Variants in PSMD13 observed in about 807,000 individuals in gnomAD.
PSMD13 encodes proteasome 26S subunit, non-ATPase 13, also known as 26S proteasome non-ATPase regulatory subunit 13.
A neutral mutation model predicts 57.4 loss-of-function variants in PSMD13; 8 were observed. The observed-to-expected ratio is 0.14, with a 90% CI of 0.08 to 0.25. The LOEUF is 0.25. PSMD13 is among the 10% of genes least tolerant of loss of function. PSMD13 has a pLI of 1.00. For synonymous variants in PSMD13, 193 were observed against 168.2 expected (o/e 1.15, Z -1.14); for missense variants, 400 against 461.5 (o/e 0.87, Z 1.22).
At position 250,854 on chromosome 11, in the gene PSMD13, T is replaced by C; in HGVS notation, c.826T>C (p.Cys276Arg). ...AQLLRKIQLL[C>R]LMEMTFTRPA... ...GCTTCTGAGGAAAATTCAGTTGTTG[T>C]GCCTCATGGAGGTAAGCGAACACCC... Residue 276 changes from cysteine (C) to arginine (R), a missense_variant, in exon 10 of 13, where the codon TGC becomes CGC. Transcript: ENST00000532097. 1.2e-6 allele frequency: 2 copies of C among 1,613,918 alleles called. No homozygotes were observed. The highest frequency in any genetic ancestry group is 1.7e-6 in the Non-Finnish European group (2 of 1,179,948).
chr11:240,441 G>T (rs1007581456), intron 2 of PSMD13, among the ~76,000 whole-genome samples: 1 of 152,078 alleles, frequency 6.6e-6, no homozygotes, highest in Non-Finnish European at 1.5e-5. Context: ...TGTTCCCTAA[G>T]GTTCTAAATC....
In PSMD13 at chr11:251,191, A is replaced by T; in HGVS notation, c.837+326A>T. ...TGCATGTCGCTTCTTGTGTACACGC[A>T]CATCTGTCTTTCCCCACTAGAACTT... On this transcript the variant is annotated intron_variant, in intron 10 of 12. Coordinates refer to ENST00000532097, the MANE Select transcript of PSMD13 (RefSeq NM_002817.4). This position sits in a 1 kb window ranked among gnomAD's most constrained non-coding sequence, Gnocchi z 4.6. 4.4e-6 allele frequency: 2 copies of T among 450,108 alleles called. No homozygotes were observed. Among genetic ancestry groups the T allele is most frequent in the Non-Finnish European group, 8.1e-6 (2 of 247,760 alleles). 27.9% of individuals were successfully genotyped at this position (450,108 alleles called of 1,614,324 possible). A position where few individuals can be genotyped will look rare whatever the true frequency, so the allele number is the denominator to read the frequency against.
Position 247,354 on chromosome 11 carries a change from C to T in PSMD13, c.474C>T (p.Leu158=), listed in dbSNP as rs774161219. 2 of 1,599,532 alleles carry T rather than the reference C, an allele frequency of 1.3e-6. No individual in the cohort carries two copies. The highest frequency in any genetic ancestry group is 1.7e-5 in the Admixed American group (1 of 59,528). Residue 158 remains leucine, a synonymous_variant, in exon 7 of 13, where the codon CTC becomes CTT. Coordinates refer to ENST00000532097, the MANE Select transcript of PSMD13 (RefSeq NM_002817.4). The stretch of plus-strand genomic sequence containing the variant: ...CGGTTCACAGTCGTTTCTATGATCT[C>T]TCCAGTAAATACTATCAAACAATCG... The part of the protein sequence containing the change: ...VTSVHSRFYD[L]SSKYYQTIGN...
At chr11:249,759 T>C (rs779788480) in intron 9 of PSMD13, among the ~76,000 whole-genome samples, 4 of 152,184 alleles carry the variant, frequency 2.6e-5, no homozygotes, top group African/African-American at 4.8e-5. Context: ...ATAAGTATGT[T>C]CTTTTTTAAT....
rs369958332 is a variant in PSMD13 at position 244,355 on chromosome 11, C to T, written c.266-71C>T. Reference sequence around the variant, plus strand: ...TTATGGTCAAAACCTAAAGATTACCCTACCTAAGGGTGTCTTGGTTAGCAG... The same window carrying T: ...TTATGGTCAAAACCTAAAGATTACCTTACCTAAGGGTGTCTTGGTTAGCAG... On this transcript the variant is annotated intron_variant, in intron 4 of 12. Transcript: ENST00000532097. 79 of 1,579,206 alleles carry T rather than the reference C, an allele frequency of 5.0e-5. No individual in the cohort carries two copies. The African/African-American group carries it at 9.8e-4, about 20-fold the overall frequency.
Position 249,070 on chromosome 11 carries a change from C to T in PSMD13, c.774+13C>T, listed in dbSNP as rs370984537. The T allele has an allele frequency of 6.2e-6, 10 of 1,609,688 alleles. No individual in the cohort carries two copies. Among genetic ancestry groups the T allele is most frequent in the African/African-American group, 4.0e-5 (3 of 74,872 alleles). ...CTGGGGCCAGCAGGTAGGACTCCCA[C>T]GATGCCCAGCCCTTATTCCCCCATG... On this transcript the variant is annotated intron_variant, in intron 9 of 12. Coordinates refer to ENST00000532097, the MANE Select transcript of PSMD13 (RefSeq NM_002817.4).
chr11:239,148 A>G, intron 2 of PSMD13, 72 bp downstream of exon 2: 1 of 1,300,028 alleles, frequency 7.7e-7, no homozygotes, highest in South Asian at 1.2e-5. Context: ...GATAGGCTTT[A>G]TGCTAATAAT....
chr11:248,796 G>C lies in PSMD13; in HGVS notation c.589G>C (p.Ala197Pro), dbSNP rs1228003737. 1 of 1,614,226 alleles carries C rather than the reference G, an allele frequency of 6.2e-7. No individual in the cohort carries two copies. Among genetic ancestry groups the C allele is most frequent in the Non-Finnish European group, 8.5e-7 (1 of 1,180,030 alleles). The change falls in exon 8 of 13, where the codon GCC (alanine) becomes CCC (proline). Residue 197 changes from alanine (A) to proline (P), a missense_variant. Transcript: ENST00000532097. ...DLPVSEQQER[A>P]FTLGLAGLLG... Reference sequence around the variant, plus strand: ...CATAGTGTCTGAGCAGCAGGAGAGAGCCTTCACGCTGGGGCTAGCAGGACT... The same window carrying C: ...CATAGTGTCTGAGCAGCAGGAGAGACCCTTCACGCTGGGGCTAGCAGGACT...
Position 252,673 on chromosome 11 carries a change from C to T in PSMD13, c.*73C>T, listed in dbSNP as rs1196108707. ...CGTTTGCAGCCAATGAAGCTGGCTG[C>T]TCAGACGGTCGACATTGAATTTGGG... On this transcript the variant is annotated 3_prime_UTR_variant, in exon 13 of 13. Transcript: ENST00000532097. This position sits in a 1 kb window ranked among gnomAD's most constrained non-coding sequence, Gnocchi z 4.1. 2 of 1,402,314 alleles carry T rather than the reference C, an allele frequency of 1.4e-6. No homozygotes were observed. The highest frequency in any genetic ancestry group is 1.7e-5 in the Admixed American group (1 of 58,080). The allele number at this position is 1,402,314 out of a possible 1,614,324, so 86.9% of individuals were successfully genotyped here. A position where few individuals can be genotyped will look rare whatever the true frequency, so the allele number is the denominator to read the frequency against.
rs765177142 is a variant in PSMD13, at chr11:237,042, C to G, written c.-8C>G. The G allele has an allele frequency of 1.2e-6, 2 of 1,611,234 alleles. No individual in the cohort carries two copies. Among genetic ancestry groups the G allele is most frequent in the Non-Finnish European group, 1.7e-6 (2 of 1,177,556 alleles). ...TTGTTCTTCTGTGCCGGGGGTCTTC[C>G]TGCTGTCATGAAGGACGTACCGGGC... On this transcript the variant is annotated 5_prime_UTR_variant, in exon 1 of 13. Transcript: ENST00000532097.
chr11:238,904 C>A, intron 1 of PSMD13, 94 bp from the exon 2 acceptor site: 1 of 1,226,708 alleles, frequency 8.2e-7, no homozygotes, highest in Non-Finnish European at 1.2e-6. Context: ...TAGAGATACC[C>A]AACCTGTATT....
chr11:247,366 C>T lies in PSMD13; in HGVS notation c.486C>T (p.Tyr162=). ...HSRFYDLSSK[Y]YQTIGNHASY... ...GTTTCTATGATCTCTCCAGTAAATA[C>T]TATCAAACAATCGGAAACCACGCGT... Residue 162 remains tyrosine, a synonymous_variant, in exon 7 of 13, where the codon TAC becomes TAT. Transcript: ENST00000532097. 7.0e-7 allele frequency: 1 copy of T among 1,437,880 alleles called. No homozygotes were observed. The highest frequency in any genetic ancestry group is 9.4e-7 in the Non-Finnish European group (1 of 1,061,170). 89.1% of individuals were successfully genotyped at this position (1,437,880 alleles called of 1,614,324 possible). A position where few individuals can be genotyped will look rare whatever the true frequency, so the allele number is the denominator to read the frequency against.
Position 251,047 on chromosome 11 carries a change from T to C in PSMD13, c.837+182T>C. On this transcript the variant is annotated intron_variant, in intron 10 of 12. Transcript: ENST00000532097. The surrounding 1 kb of genome is among the most constrained non-coding windows in gnomAD (Gnocchi z 4.6). ...CCACTTGCTCTTCTAAGTTTATATT[T>C]GGCTCTTAGCTCAGACGACACCCTC... 1.7e-6 allele frequency: 1 copy of C among 603,198 alleles called. No homozygotes were observed. Among genetic ancestry groups the C allele is most frequent in the South Asian group, 1.9e-5 (1 of 51,462 alleles). The allele number at this position is 603,198 out of a possible 1,614,324, so 37.4% of individuals were successfully genotyped here. A position where few individuals can be genotyped will look rare whatever the true frequency, so the allele number is the denominator to read the frequency against.
intron 2 of PSMD13, among the ~76,000 whole-genome samples, chr11:240,270 C>T (rs1415583326): frequency 2.6e-5 from 4 of 151,944 alleles, no homozygotes; most frequent in African/African-American, 9.7e-5. Flanking sequence ...CCACCACAGC[C>T]AGCTGATTTT....
intron 1 of PSMD13, among the ~76,000 whole-genome samples, chr11:237,443 C>T (rs192475499): frequency 2.0e-5 from 3 of 152,336 alleles, no homozygotes; most frequent in Admixed American, 6.5e-5. Flanking sequence ...ACTCCTACCT[C>T]GGGTCTTACT....
rs1444051444 is a variant in PSMD13, at chr11:247,078, C to T, written c.397-199C>T. ...TTGGTAGTTGATGCTTTTCATCTCA[C>T]AATATATTACTTTAAAAATCTTAGC... On this transcript the variant is annotated intron_variant, in intron 6 of 12. Transcript: ENST00000532097. Among the ~76,000 whole-genome samples, 3 of 152,104 alleles carry T rather than the reference C, an allele frequency of 2.0e-5. No homozygotes were observed. The East Asian group carries it at 5.8e-4, about 29-fold the overall frequency.
Position 251,519 on chromosome 11 carries a change from TA to T in PSMD13, c.838-23del, listed in dbSNP as rs1564824255. 7 of 1,560,824 alleles carry T rather than the reference TA, an allele frequency of 4.5e-6. 1 individual carries two copies. The highest frequency in any genetic ancestry group is 3.4e-5 in the South Asian group (3 of 88,246). ...TCTATTTTTATTTGGAAAAATAGTTTAAAATAGTTAATAAAATTTTTTCCAG... is the reference window on the plus strand; with the variant it reads ...TCTATTTTTATTTGGAAAAATAGTTTAAATAGTTAATAAAATTTTTTCCAG... On this transcript the variant is annotated intron_variant, in intron 10 of 12. Transcript: ENST00000532097. The surrounding 1 kb of genome is among the most constrained non-coding windows in gnomAD (Gnocchi z 4.6).
intron 9 of PSMD13, among the ~76,000 whole-genome samples, chr11:249,572 G>A (rs555730931): frequency 9.6e-6 from 1 of 103,660 alleles, no homozygotes; most frequent in Non-Finnish European, 2.4e-5. Flanking sequence ...GGTGCGGGGA[G>A]GGGGAGAGCG....
chr11:244,520 G>T, intron 5 of PSMD13, 51 bp downstream of exon 5: 2 of 1,567,024 alleles, frequency 1.3e-6, no homozygotes, highest in South Asian at 2.2e-5. Flanking sequence ...GAGTATGTAT[G>T]ACTTAACAGC....
Sources: gnomAD v4.1 joint callset for allele counts (sites outside exome capture counted in the v4.1 genomes callset) on GRCh38, gnomAD v4.1.1 for gene constraint, Gnocchi (gnomAD v3.1) non-coding constraint, MANE v1.5 for transcripts, NCBI Gene and HGNC (gene_info 2026-07-23, HGNC 2026-07-21) for gene names.